The following OTUD7A variants were observed in gnomAD, a reference collection of about 807,000 sequenced individuals.
OTUD7A encodes the protein OTU domain-containing protein 7A.
A neutral mutation model predicts 65.7 loss-of-function variants in OTUD7A; 12 were observed. The observed-to-expected ratio is 0.18, with a 90% CI of 0.12 to 0.30. The LOEUF is 0.30. OTUD7A is among the 10% of genes least tolerant of loss of function. The pLI, the probability that OTUD7A is intolerant of heterozygous loss-of-function variation, is 1.00. For missense variants in OTUD7A, 1,148 were observed against 1,304.8 expected, an observed-to-expected ratio of 0.88 and a Z score of 1.85; for synonymous variants, 641 against 586.3, an observed-to-expected ratio of 1.09 and a Z score of -1.35.
chr15:31,734,534 A>G (rs1000542000), intron 1 of OTUD7A, among the ~76,000 whole-genome samples: 1 of 152,258 alleles, frequency 6.6e-6, no homozygotes, highest in Non-Finnish European at 1.5e-5. Context: ...CCAAAACAGC[A>G]TGGTACTGGT....
intron 3 of OTUD7A, among the ~76,000 whole-genome samples, chr15:31,638,067 T>C (rs2141258073): frequency 6.6e-6 from 1 of 152,312 alleles, no homozygotes; most frequent in East Asian, 1.9e-4. Flanking sequence ...TGCTATCAAA[T>C]AGCATCACAC....
intron 3 of OTUD7A, among the ~76,000 whole-genome samples, chr15:31,583,595 C>T (rs568097984): frequency 8.7e-4 from 132 of 151,802 alleles, no homozygotes; most frequent in African/African-American, 3.1e-3. Context: ...TCAGGGGAAG[C>T]CCCTTCTGCT....
intron 3 of OTUD7A, among the ~76,000 whole-genome samples, chr15:31,614,595 A>G (rs1335698809): frequency 6.6e-6 from 1 of 152,194 alleles, no homozygotes; most frequent in African/African-American, 2.4e-5. Context: ...ACAGTCCTAT[A>G]TCTTGTAAAA....
intron 1 of OTUD7A, among the ~76,000 whole-genome samples, chr15:31,696,149 G>T (rs1893077734): frequency 6.8e-6 from 1 of 147,528 alleles, no homozygotes; most frequent in South Asian, 2.4e-4. Flanking sequence ...GGGTTGAGGG[G>T]GGCACAAGGG....
At chr15:31,688,804 T>C (rs545653354) in intron 1 of OTUD7A, among the ~76,000 whole-genome samples, 4 of 150,588 alleles carry the variant, frequency 2.7e-5, no homozygotes, top group Admixed American at 2.6e-4. Flanking sequence ...AATTGGTAAA[T>C]CTGGGTGAAG....
intron 1 of OTUD7A, among the ~76,000 whole-genome samples, chr15:31,666,068 G>C (rs988613298): frequency 2.0e-5 from 3 of 151,188 alleles, no homozygotes; most frequent in African/African-American, 7.3e-5. Flanking sequence ...CCAGTATTTT[G>C]TTAAGGATTT....
chr15:31,686,405 A>C (rs1369296860), intron 1 of OTUD7A, among the ~76,000 whole-genome samples: 1 of 152,256 alleles, frequency 6.6e-6, no homozygotes, highest in Non-Finnish European at 1.5e-5. Flanking sequence ...GAAACTGAAA[A>C]AAAGCAGCCC....
chr15:31,746,299 C>G (rs748805382), intron 1 of OTUD7A, among the ~76,000 whole-genome samples: 4 of 152,080 alleles, frequency 2.6e-5, no homozygotes, highest in African/African-American at 4.8e-5. Context: ...AAATGTCCAT[C>G]AAGAAGAGAA....
chr15:31,683,758 C>T (rs28583123), intron 1 of OTUD7A, among the ~76,000 whole-genome samples: 8,532 of 151,438 alleles, frequency 0.056, 837 homozygotes, highest in African/African-American at 0.2. Flanking sequence ...GGAAACCTAA[C>T]AAAACCGTCT....
intron 1 of OTUD7A, among the ~76,000 whole-genome samples, chr15:31,778,478 G>A (rs1895447827): frequency 6.6e-6 from 1 of 152,216 alleles, no homozygotes; most frequent in African/African-American, 2.4e-5. Context: ...AATAGCACAT[G>A]CTCTAGTTGA....
rs1024044604 is a variant in OTUD7A, at chr15:31,483,646, C to A, written c.2450G>T (p.Ser817Ile). Residue 817 changes from serine to isoleucine, a missense_variant, in exon 13 of 13, where the codon AGC becomes ATC. Physicochemically the swap from Ser to Ile is moderately radical, Grantham distance 142. Coordinates refer to ENST00000307050, the MANE Select transcript of OTUD7A (RefSeq NM_001382637.1). Reference sequence around the variant, plus strand: ...GCGCAGGGCGGCGGCGCGCGCCGGGCTGTAGCTCTGCGACGACAGCGAGCG... The same window carrying A: ...GCGCAGGGCGGCGGCGCGCGCCGGGATGTAGCTCTGCGACGACAGCGAGCG... ...QNRSLSSQSYSPARAAALRTV... is the reference protein window; with the variant it reads ...QNRSLSSQSYIPARAAALRTV... 3 of 1,173,962 alleles carry A rather than the reference C, an allele frequency of 2.6e-6. No homozygotes were observed. The Admixed American group carries it at 1.4e-4, about 55-fold the overall frequency. 72.7% of individuals were successfully genotyped at this position (1,173,962 alleles called of 1,614,324 possible).
chr15:31,657,777 G>A (rs1457336698), intron 1 of OTUD7A, among the ~76,000 whole-genome samples: 2 of 152,116 alleles, frequency 1.3e-5, no homozygotes, highest in Middle Eastern at 3.2e-3. Context: ...AGCTACCTGG[G>A]CCATCCTCAC....
chr15:31,694,729 T>C (rs1333525967), intron 1 of OTUD7A, among the ~76,000 whole-genome samples: 1 of 152,224 alleles, frequency 6.6e-6, no homozygotes, highest in Non-Finnish European at 1.5e-5. Flanking sequence ...TGTCTTTCTG[T>C]GCCTGGCTTA....
intron 1 of OTUD7A, among the ~76,000 whole-genome samples, chr15:31,792,883 G>T (rs1040882972): frequency 1.3e-5 from 2 of 152,140 alleles, no homozygotes; most frequent in Non-Finnish European, 2.9e-5. Flanking sequence ...GAGGGATACA[G>T]ACTAGTGGCA....
At chr15:31,819,786 G>A (rs531171531) in intron 1 of OTUD7A, among the ~76,000 whole-genome samples, 50 of 151,388 alleles carry the variant, frequency 3.3e-4, no homozygotes, top group Admixed American at 8.6e-4. Context: ...GTAACAAGTC[G>A]TTATATATTA....
At chr15:31,637,162 A>C (rs1201489028) in intron 3 of OTUD7A, among the ~76,000 whole-genome samples, 2 of 152,246 alleles carry the variant, frequency 1.3e-5, no homozygotes. Context: ...AGATGAGAAT[A>C]AGTCTCTGCC....
intron 1 of OTUD7A, among the ~76,000 whole-genome samples, chr15:31,802,137 G>GTATATATA (rs1411006294): frequency 1.1e-4 from 14 of 131,754 alleles, no homozygotes; most frequent in African/African-American, 3.9e-4. Flanking sequence ...GTGTGTGTGT[G>GTATATATA]TGTGTATATA....
At chr15:31,523,937 C>T (rs1398886596) in intron 8 of OTUD7A, among the ~76,000 whole-genome samples, 3 of 152,208 alleles carry the variant, frequency 2.0e-5, no homozygotes, top group Admixed American at 6.5e-5. Context: ...CTTGCTGAGG[C>T]GCTCTCTGTC....
Position 31,648,818 on chromosome 15 carries a change from T to C in OTUD7A, c.151+6278A>G, listed in dbSNP as rs555631538. Among the ~76,000 whole-genome samples, 275 of 152,288 alleles carry C rather than the reference T, an allele frequency of 1.8e-3. 1 individual carries two copies. The highest frequency in any genetic ancestry group is 3.4e-3 in the Non-Finnish European group (234 of 68,026). On this transcript the variant is annotated intron_variant, in intron 3 of 12. Transcript: ENST00000307050. ...GCTCTGTCTCCAGGCTGGAGTGTAATGGTGCGATCTCAGCTCACTACAACC... is the reference window on the plus strand; with the variant it reads ...GCTCTGTCTCCAGGCTGGAGTGTAACGGTGCGATCTCAGCTCACTACAACC...
Sources: gnomAD v4.1 joint callset for allele counts (sites outside exome capture counted in the v4.1 genomes callset) on GRCh38, gnomAD v4.1.1 for gene constraint, MANE v1.5 for transcripts, NCBI Gene and HGNC (gene_info 2026-07-23, HGNC 2026-07-21) for gene names.